TENM2: variants seen among roughly 807,000 people sequenced by gnomAD.
The protein encoded by TENM2 is teneurin transmembrane protein 2, also known as teneurin-2.
In TENM2, 52 loss-of-function variants were observed where a neutral mutation model predicts 245.2. The observed-to-expected ratio is 0.21, with a 90% confidence interval of 0.17 to 0.27. The LOEUF (loss-of-function observed/expected upper bound fraction) is 0.27, where lower values mean the gene tolerates loss of function less well. TENM2 is among the 10% of genes least tolerant of loss of function. The pLI, the probability that TENM2 is intolerant of heterozygous loss-of-function variation, is 1.00. For missense variants in TENM2, 3,046 were observed against 3,666.8 expected, an observed-to-expected ratio of 0.83 and a Z score of 4.37; for synonymous variants, 1,363 against 1,438.9, an observed-to-expected ratio of 0.95 and a Z score of 1.19.
In TENM2 at chr5:167,992,711, G is replaced by A. The variant is rs533335002; in HGVS notation, c.948-233G>A. ...CATATTTGCTTTGAATGCTTTGCAGGTTGTTGTGGAAGATAACAACTAGAT... is the reference window on the plus strand; with the variant it reads ...CATATTTGCTTTGAATGCTTTGCAGATTGTTGTGGAAGATAACAACTAGAT... On this transcript the variant is annotated intron_variant, in intron 4 of 28. Transcript: ENST00000518659. Among the ~76,000 whole-genome samples, 3 of 152,256 alleles carry A rather than the reference G, an allele frequency of 2.0e-5. No homozygotes were observed. The South Asian group carries it at 6.2e-4, about 32-fold the overall frequency.
At chr5:167,070,284 A>ATTTTTT in the TENM2 span, among the ~76,000 whole-genome samples, 411 of 99,320 alleles carry the variant, frequency 4.1e-3, 27 homozygotes, top group African/African-American at 0.019. Context: ...CGCCCGGCTA[A>ATTTTTT]TTTTTTTTTT....
intron 2 of TENM2, among the ~76,000 whole-genome samples, chr5:167,495,404 A>G (rs1005525093): frequency 6.6e-6 from 1 of 152,004 alleles, no homozygotes; most frequent in Non-Finnish European, 1.5e-5. Context: ...CTCCAGTCAA[A>G]AGATCACAAG....
chr5:167,188,446 T>A, the TENM2 span, among the ~76,000 whole-genome samples: 1 of 152,174 alleles, frequency 6.6e-6, no homozygotes, highest in Non-Finnish European at 1.5e-5. Context: ...ATTTCCTTTT[T>A]TAGACTCTAT....
At chr5:167,072,397 C>CT in the TENM2 span, among the ~76,000 whole-genome samples, 1 of 151,960 alleles carries the variant, frequency 6.6e-6, no homozygotes, top group Non-Finnish European at 1.5e-5. Flanking sequence ...GATGTGTTGC[C>CT]TTTTTTTGGC....
the TENM2 span, among the ~76,000 whole-genome samples, chr5:167,243,330 AG>A: frequency 6.6e-6 from 1 of 152,154 alleles, no homozygotes; most frequent in African/African-American, 2.4e-5. Context: ...ATGTAGTCTG[AG>A]GGTGAGTGGG....
intron 2 of TENM2, among the ~76,000 whole-genome samples, chr5:167,400,769 C>G (rs1169300879): frequency 2.0e-5 from 3 of 152,066 alleles, no homozygotes; most frequent in Non-Finnish European, 4.4e-5. Context: ...GTGAATCTAT[C>G]CTCTTCTTGG....
chr5:167,020,485 A>C, the TENM2 span, among the ~76,000 whole-genome samples: 1 of 152,220 alleles, frequency 6.6e-6, no homozygotes, highest in Non-Finnish European at 1.5e-5. Context: ...TGGGTAGGGC[A>C]AAGGAAATCT....
At chr5:167,349,809 A>G (rs1213791524) in intron 1 of TENM2, among the ~76,000 whole-genome samples, 1 of 152,164 alleles carries the variant, frequency 6.6e-6, no homozygotes, top group African/African-American at 2.4e-5. Flanking sequence ...TAAAAAAGTT[A>G]TGCTATCATC....
chr5:167,859,327 T>G (rs1284865725), intron 2 of TENM2, among the ~76,000 whole-genome samples: 3 of 144,184 alleles, frequency 2.1e-5, no homozygotes, highest in Non-Finnish European at 3.1e-5. Context: ...CCACCCCATC[T>G]GGGAAGTGAG....
intron 12 of TENM2, among the ~76,000 whole-genome samples, chr5:168,155,412 G>A (rs943109290): frequency 6.6e-6 from 1 of 151,332 alleles, no homozygotes; most frequent in Non-Finnish European, 1.5e-5. Context: ...AAGGGGGGGG[G>A]GGTCCATAAT....
intron 2 of TENM2, among the ~76,000 whole-genome samples, chr5:167,693,633 C>CA (rs35853452): frequency 0.3 from 27,028 of 90,244 alleles, 3,293 homozygotes; most frequent in East Asian, 0.46. Context: ...AATTTCTAGG[C>CA]AAAAAAAAAA....
intron 12 of TENM2, among the ~76,000 whole-genome samples, chr5:168,154,558 G>C (rs1410566892): frequency 6.6e-6 from 1 of 152,166 alleles, no homozygotes; most frequent in African/African-American, 2.4e-5. Flanking sequence ...TGAAAGGATT[G>C]TTTTTACTGT....
intron 2 of TENM2, among the ~76,000 whole-genome samples, chr5:167,827,333 G>A (rs1205906633): frequency 6.6e-6 from 1 of 152,062 alleles, no homozygotes; most frequent in African/African-American, 2.4e-5. Context: ...AACAATTATT[G>A]CAACTAAATT....
At chr5:168,005,092 T>G (rs1198820049) in intron 5 of TENM2, among the ~76,000 whole-genome samples, 10 of 152,208 alleles carry the variant, frequency 6.6e-5, no homozygotes, top group Non-Finnish European at 1.2e-4. Context: ...TGCATGGTGT[T>G]GTATTCTTTT....
At chr5:167,082,278 TTTTA>T in the TENM2 span, among the ~76,000 whole-genome samples, 1 of 152,026 alleles carries the variant, frequency 6.6e-6, no homozygotes, top group Admixed American at 6.6e-5. Context: ...TTGTATTTCA[TTTTA>T]TTTATTTATT....
rs1266899709 is a variant in TENM2, at chr5:167,900,135, G to GAAAAA, written c.712+23940_712+23941insAAAAA. ...CTAAAAAAAAAAAAAAAAAAAAAAGGGGGGGGGGGTTTTGGAAAGGAAAGG... is the reference window on the plus strand; with the variant it reads ...CTAAAAAAAAAAAAAAAAAAAAAAGGAAAAAGGGGGGGGGTTTTGGAAAGGAAAGG... On this transcript the variant is annotated intron_variant, in intron 3 of 28. Coordinates refer to ENST00000518659, the Ensembl canonical transcript of TENM2. Among the ~76,000 whole-genome samples the GAAAAA allele has an allele frequency of 9.4e-3, 733 of 77,808 alleles. 39 individuals carry two copies. The highest frequency in any genetic ancestry group is 0.04 in the African/African-American group (679 of 17,178). The allele number at this position is 77,808 out of a possible 152,430, so 51.0% of individuals were successfully genotyped here.
At chr5:167,208,521 A>G in the TENM2 span, among the ~76,000 whole-genome samples, 1 of 152,302 alleles carries the variant, frequency 6.6e-6, no homozygotes, top group South Asian at 2.1e-4. Flanking sequence ...CCATGGACAT[A>G]ATTAATATTT....
At chr5:167,204,963 G>A in the TENM2 span, among the ~76,000 whole-genome samples, 1 of 152,176 alleles carries the variant, frequency 6.6e-6, no homozygotes, top group African/African-American at 2.4e-5. Flanking sequence ...CATATCTTGA[G>A]CTCCAGTCTT....
chr5:168,203,721 A>G, exon 18 of TENM2: 1 of 1,612,722 alleles, frequency 6.2e-7, no homozygotes. Flanking sequence ...GACCTGTCCC[A>G]GTCTAATTCT....
Sources: gnomAD v4.1 joint callset for allele counts (sites outside exome capture counted in the v4.1 genomes callset) on GRCh38, gnomAD v4.1.1 for gene constraint, MANE v1.5 for transcripts, NCBI Gene and HGNC (gene_info 2026-07-23, HGNC 2026-07-21) for gene names.